The following DYNC2H1 variants were observed in gnomAD, a reference collection of about 807,000 sequenced individuals.
DYNC2H1 encodes the protein dynein cytoplasmic 2 heavy chain 1.
A neutral mutation model predicts 570.0 loss-of-function variants in DYNC2H1; 410 were observed. That is an observed-to-expected ratio of 0.72 (90% CI 0.66 to 0.78). DYNC2H1 has a LOEUF of 0.78. Among genes scored for constraint, DYNC2H1 ranks in the 30% least tolerant of loss-of-function variants. DYNC2H1 has a pLI of 0.00. For missense variants in DYNC2H1, 4,865 were observed against 5,046.4 expected (o/e 0.96, Z 1.09); for synonymous variants, 1,688 against 1,677.6 (o/e 1.01, Z -0.15).
Position 103,199,924 on chromosome 11 carries a change from G to A in DYNC2H1, c.8089-122G>A. ...AAGTTTGATTTTTAATTATTAAAAT[G>A]GAAATAAATGAATAAATAAACACAT... is the stretch of plus-strand genomic sequence containing the variant. On this transcript the variant is annotated intron_variant, in intron 49 of 88. Coordinates refer to ENST00000375735, the MANE Select transcript of DYNC2H1 (RefSeq NM_001377.3). This position sits in a 1 kb window ranked among gnomAD's most constrained non-coding sequence, Gnocchi z 4.6. 2 of 659,404 alleles carry A rather than the reference G, an allele frequency of 3.0e-6. No individual in the cohort carries two copies. The highest frequency in any genetic ancestry group is 5.0e-6 in the Non-Finnish European group (2 of 401,740). 40.8% of individuals were successfully genotyped at this position (659,404 alleles called of 1,614,324 possible).
chr11:103,349,347 G>C (rs1939924912), intron 82 of DYNC2H1, among the ~76,000 whole-genome samples: 1 of 152,046 alleles, frequency 6.6e-6, no homozygotes, highest in Non-Finnish European at 1.5e-5. Context: ...GTATTTCGTT[G>C]TGTATATACA....
intron 70 of DYNC2H1, among the ~76,000 whole-genome samples, chr11:103,262,085 A>G (rs946826264): frequency 6.6e-6 from 1 of 152,210 alleles, no homozygotes; most frequent in African/African-American, 2.4e-5. Context: ...TTGATTAAGC[A>G]GAAGAAAGAA....
chr11:103,312,036 A>G lies in DYNC2H1; in HGVS notation c.11649+3A>G, dbSNP rs538646127. 12 of 1,603,672 alleles carry G rather than the reference A, an allele frequency of 7.5e-6. No homozygotes were observed. The African/African-American group carries it at 1.2e-4, about 16-fold the overall frequency. ...AAAGAAGAAACTATATTCCTCAGGT[A>G]AGTAAGAACATGTCTTGAATACATT... On this transcript the variant is annotated splice_donor_region_variant and intron_variant, in intron 79 of 88. Coordinates refer to ENST00000375735, the MANE Select transcript of DYNC2H1 (RefSeq NM_001377.3).
In DYNC2H1 at chr11:103,254,868, T is replaced by C. The variant is rs1415814914; in HGVS notation, c.10207-547T>C. ...CTCACTGTAACTTCTGCCTCCTAGGTTTAAGCTATTCTCCTGCCTCAGCCT... is the reference window on the plus strand; with the variant it reads ...CTCACTGTAACTTCTGCCTCCTAGGCTTAAGCTATTCTCCTGCCTCAGCCT... On this transcript the variant is annotated intron_variant, in intron 66 of 88. Transcript: ENST00000375735. This position sits in a 1 kb window ranked among gnomAD's most constrained non-coding sequence, Gnocchi z 4.9. Among the ~76,000 whole-genome samples, 1 of 152,060 alleles carries C rather than the reference T, an allele frequency of 6.6e-6. No homozygotes were observed. Among genetic ancestry groups the C allele is most frequent in the Non-Finnish European group, 1.5e-5 (1 of 68,006 alleles).
At chr11:103,111,997 A>G (rs909416447) in intron 1 of DYNC2H1, among the ~76,000 whole-genome samples, 15 of 152,216 alleles carry the variant, frequency 9.9e-5, no homozygotes, top group African/African-American at 3.4e-4. Flanking sequence ...AATTTTGGGT[A>G]TTGATAAGTG....
At chr11:103,375,709 G>A (rs949926877) in intron 83 of DYNC2H1, among the ~76,000 whole-genome samples, 1 of 152,208 alleles carries the variant, frequency 6.6e-6, no homozygotes, top group Non-Finnish European at 1.5e-5. Context: ...TTTACAATGG[G>A]TGTAGTAGCC....
Position 103,217,100 on chromosome 11 carries a change from T to A in DYNC2H1, c.8832+1242T>A, listed in dbSNP as rs190040601. Among the ~76,000 whole-genome samples, 346 of 152,278 alleles carry A rather than the reference T, an allele frequency of 2.3e-3. 1 individual carries two copies. Among genetic ancestry groups the A allele is most frequent in the Middle Eastern group, 0.01 (3 of 294 alleles). On this transcript the variant is annotated intron_variant, in intron 55 of 88. Coordinates refer to ENST00000375735, the MANE Select transcript of DYNC2H1 (RefSeq NM_001377.3). ...AACTGTTACCTTGTCAACTAGGCAC[T>A]AATCTAATGCCTCTTTTATGAAAAT...
chr11:103,432,704 A>G (rs1384570332), intron 84 of DYNC2H1, among the ~76,000 whole-genome samples: 1 of 152,154 alleles, frequency 6.6e-6, no homozygotes, highest in Non-Finnish European at 1.5e-5. Context: ...GTATAACATA[A>G]CTACATTTAT....
Position 103,188,368 on chromosome 11 carries a change from T to C in DYNC2H1, c.7141-129T>C, listed in dbSNP as rs11225590. ...TATAATAATTTAAGATACCATTTAA[T>C]CTAAAATTCTTGAGTTAGATAGATG... On this transcript the variant is annotated intron_variant, in intron 43 of 88. Transcript: ENST00000375735. The C allele has an allele frequency of 0.12, 71,809 of 613,638 alleles. 4,807 individuals are homozygous for C. The highest frequency in any genetic ancestry group is 0.22 in the East Asian group (7,649 of 34,794). The allele number at this position is 613,638 out of a possible 1,614,324, so 38.0% of individuals were successfully genotyped here.
At chr11:103,332,573 C>G (rs1259780566) in intron 82 of DYNC2H1, among the ~76,000 whole-genome samples, 3 of 152,140 alleles carry the variant, frequency 2.0e-5, no homozygotes, top group African/African-American at 7.2e-5. Flanking sequence ...ATACAAGAAA[C>G]AAATATTAGA....
At chr11:103,413,779 T>A (rs941673081) in intron 84 of DYNC2H1, among the ~76,000 whole-genome samples, 1 of 152,182 alleles carries the variant, frequency 6.6e-6, no homozygotes. Context: ...TTTTTATTGA[T>A]TTAAGGGAAA....
intron 83 of DYNC2H1, among the ~76,000 whole-genome samples, chr11:103,367,406 T>C (rs1385404064): frequency 2.0e-5 from 3 of 152,136 alleles, no homozygotes; most frequent in Non-Finnish European, 1.5e-5. Context: ...TTTTGTCTTA[T>C]TTATAAAGTA....
In DYNC2H1 at chr11:103,199,342, C is replaced by G; in HGVS notation, c.7954C>G (p.Leu2652Val). Reference protein sequence around the residue: ...RVLSFPGGSLLLAGRSGVGRR... With the variant: ...RVLSFPGGSLVLAGRSGVGRR... ...GCTGAGTTTCCCTGGAGGTTCACTT[C>G]TATTAGCAGGACGCAGTGGTGTAGG... The change falls in exon 49 of 89, where the codon CTA (leucine) becomes GTA (valine). Residue 2652 changes from leucine (L) to valine (V), a missense_variant. By Grantham distance (32) the Leu-to-Val change is conservative. Transcript: ENST00000375735. The surrounding 1 kb of genome is among the most constrained non-coding windows in gnomAD (Gnocchi z 4.6). The G allele has an allele frequency of 6.2e-7, 1 of 1,612,166 alleles. No homozygotes were observed. The highest frequency in any genetic ancestry group is 8.5e-7 in the Non-Finnish European group (1 of 1,179,692).
chr11:103,325,608 A>G lies in DYNC2H1; in HGVS notation c.12039+1618A>G, dbSNP rs751517818. On this transcript the variant is annotated intron_variant, in intron 82 of 88. Coordinates refer to ENST00000375735, the MANE Select transcript of DYNC2H1 (RefSeq NM_001377.3). This position sits in a 1 kb window ranked among gnomAD's most constrained non-coding sequence, Gnocchi z 4.8. ...ATAGTTCTCTTTGTGGAGATCTTTCACCTGTATACTGCTGTTAATACTTCT... is the reference window on the plus strand; with the variant it reads ...ATAGTTCTCTTTGTGGAGATCTTTCGCCTGTATACTGCTGTTAATACTTCT... Among the ~76,000 whole-genome samples the G allele has an allele frequency of 1.3e-5, 2 of 151,878 alleles. No individual in the cohort carries two copies. The highest frequency in any genetic ancestry group is 2.9e-5 in the Non-Finnish European group (2 of 67,970).
intron 36 of DYNC2H1, among the ~76,000 whole-genome samples, chr11:103,174,543 C>T (rs1384049675): frequency 6.6e-6 from 1 of 152,058 alleles, no homozygotes; most frequent in African/African-American, 2.4e-5. Context: ...TTATTAGACC[C>T]CACCCCCAAA....
intron 74 of DYNC2H1, 118 bp from the exon 75 acceptor site, chr11:103,287,415 A>G: frequency 1.3e-6 from 1 of 794,674 alleles, no homozygotes; most frequent in Non-Finnish European, 2.0e-6. Flanking sequence ...ATATGGAACA[A>G]TGATAAGTGT....
rs930674784 is a variant in DYNC2H1, at chr11:103,324,003, A to T, written c.12039+13A>T. 1 of 1,573,864 alleles carries T rather than the reference A, an allele frequency of 6.4e-7. No individual in the cohort carries two copies. Among genetic ancestry groups the T allele is most frequent in the Non-Finnish European group, 8.6e-7 (1 of 1,163,020 alleles). On this transcript the variant is annotated intron_variant, in intron 82 of 88. Transcript: ENST00000375735. This position sits in a 1 kb window ranked among gnomAD's most constrained non-coding sequence, Gnocchi z 5.2. ...GATCAGTTCTCAGGTAACCTAAAAA[A>T]AAGATCTACCTTCAAAAAAAGTTGC... is the stretch of plus-strand genomic sequence containing the variant.
Position 103,157,960 on chromosome 11 carries a change from A to G in DYNC2H1, c.4128-717A>G, listed in dbSNP as rs1362735212. Reference sequence around the variant, plus strand: ...TTCTACTCACTCACTTTTTCATTTTATTCTTCATCTGCATATCAATTTAAA... The same window carrying G: ...TTCTACTCACTCACTTTTTCATTTTGTTCTTCATCTGCATATCAATTTAAA... On this transcript the variant is annotated intron_variant, in intron 26 of 88. Coordinates refer to ENST00000375735, the MANE Select transcript of DYNC2H1 (RefSeq NM_001377.3). This position sits in a 1 kb window ranked among gnomAD's most constrained non-coding sequence, Gnocchi z 4.2. Among the ~76,000 whole-genome samples, 1 of 152,028 alleles carries G rather than the reference A, an allele frequency of 6.6e-6. No individual in the cohort carries two copies. Among genetic ancestry groups the G allele is most frequent in the Non-Finnish European group, 1.5e-5 (1 of 68,000 alleles).
At chr11:103,260,535 G>A (rs1049740437) in intron 70 of DYNC2H1, among the ~76,000 whole-genome samples, 1 of 151,944 alleles carries the variant, frequency 6.6e-6, no homozygotes, top group Non-Finnish European at 1.5e-5. Context: ...TTCATATTAC[G>A]TGTGTTCCAG....
Sources: gnomAD v4.1 joint callset for allele counts (sites outside exome capture counted in the v4.1 genomes callset) on GRCh38, gnomAD v4.1.1 for gene constraint, Gnocchi (gnomAD v3.1) non-coding constraint, MANE v1.5 for transcripts, NCBI Gene and HGNC (gene_info 2026-07-23, HGNC 2026-07-21) for gene names.